Variants in ASCC3 observed in about 807,000 individuals in gnomAD.
The protein encoded by ASCC3 is activating signal cointegrator 1 complex subunit 3.
In ASCC3, 158 loss-of-function variants were observed where a neutral mutation model predicts 256.3. That is an observed-to-expected ratio of 0.62 (90% CI 0.54 to 0.70). The LOEUF (loss-of-function observed/expected upper bound fraction) is 0.70, where lower values mean the gene tolerates loss of function less well. Ranked by LOEUF, ASCC3 falls within the 30% of genes least tolerant of loss-of-function variation. ASCC3 has a pLI of 0.00. For synonymous variants in ASCC3, 948 were observed against 883.4 expected (o/e 1.07, Z -1.30); for missense variants, 2,259 against 2,626.0 (o/e 0.86, Z 3.05).
intron 36 of ASCC3, among the ~76,000 whole-genome samples, chr6:100,576,413 A>G (rs1282777631): frequency 6.6e-6 from 1 of 152,084 alleles, no homozygotes; most frequent in Non-Finnish European, 1.5e-5. Flanking sequence ...ATTTTTTAAA[A>G]GTATATTTCT....
chr6:100,715,803 G>A (rs1030958767), intron 12 of ASCC3, among the ~76,000 whole-genome samples: 4 of 151,574 alleles, frequency 2.6e-5, no homozygotes, highest in Non-Finnish European at 4.4e-5. Flanking sequence ...GTATCTTTAA[G>A]GATATTCTTG....
intron 36 of ASCC3, among the ~76,000 whole-genome samples, chr6:100,557,932 T>C (rs1272407869): frequency 6.6e-6 from 1 of 151,994 alleles, no homozygotes; most frequent in East Asian, 1.9e-4. Flanking sequence ...TGATAGTGTA[T>C]AGTTAGGTCT....
chr6:100,857,736 C>G (rs1334112699), intron 3 of ASCC3: 5 of 152,066 alleles, frequency 3.3e-5, no homozygotes, highest in African/African-American at 1.2e-4. Context: ...ACACTGTATA[C>G]TTATCTTTAT....
At chr6:100,539,094 T>C (rs981870318) in intron 37 of ASCC3, among the ~76,000 whole-genome samples, 3 of 152,118 alleles carry the variant, frequency 2.0e-5, no homozygotes, top group African/African-American at 7.2e-5. Flanking sequence ...GAAGAGTCTG[T>C]TAGTTCTCCT....
At chr6:100,788,774 A>AT (rs1209422182) in intron 8 of ASCC3, among the ~76,000 whole-genome samples, 1 of 152,056 alleles carries the variant, frequency 6.6e-6, no homozygotes, top group Non-Finnish European at 1.5e-5. Context: ...TACACAAGGA[A>AT]TTTTATGATA....
intron 25 of ASCC3, among the ~76,000 whole-genome samples, 176 bp downstream of exon 25, chr6:100,638,425 T>C (rs1562188236): frequency 6.6e-6 from 1 of 152,224 alleles, no homozygotes; most frequent in Non-Finnish European, 1.5e-5. Flanking sequence ...TGTGGTAGTA[T>C]ATAACCAAAC....
At chr6:100,783,111 T>C (rs952284832) in intron 8 of ASCC3, among the ~76,000 whole-genome samples, 4 of 152,148 alleles carry the variant, frequency 2.6e-5, no homozygotes, top group African/African-American at 9.7e-5. Context: ...ATGTATTATA[T>C]AAATATTTCA....
chr6:100,803,000 C>A (rs185352007), intron 5 of ASCC3, among the ~76,000 whole-genome samples: 1 of 151,838 alleles, frequency 6.6e-6, no homozygotes, highest in Non-Finnish European at 1.5e-5. Context: ...AGTGTGAGGG[C>A]GTGTCTTAAA....
At chr6:100,769,030 G>A (rs1328996381) in intron 8 of ASCC3, among the ~76,000 whole-genome samples, 1 of 152,048 alleles carries the variant, frequency 6.6e-6, no homozygotes, top group African/African-American at 2.4e-5. Context: ...ATTCTTAACT[G>A]AAGGGAAATA....
At chr6:100,539,907 T>C (rs188371032) in intron 37 of ASCC3, among the ~76,000 whole-genome samples, 134 of 152,314 alleles carry the variant, frequency 8.8e-4, no homozygotes, top group African/African-American at 3.2e-3. Context: ...AATTATTATA[T>C]GCTCAGTGCC....
At chr6:100,640,335 G>T (rs1178594607) in intron 24 of ASCC3, among the ~76,000 whole-genome samples, 1 of 152,126 alleles carries the variant, frequency 6.6e-6, no homozygotes, top group Non-Finnish European at 1.5e-5. Flanking sequence ...TGGGCTCAAT[G>T]ATAATGACTA....
At chr6:100,847,216 G>A (rs1477778278) in intron 4 of ASCC3, among the ~76,000 whole-genome samples, 3 of 151,858 alleles carry the variant, frequency 2.0e-5, no homozygotes, top group African/African-American at 7.3e-5. Context: ...AATCATAATT[G>A]GATAACTACT....
chr6:100,728,132 T>A (rs574690607), intron 10 of ASCC3, among the ~76,000 whole-genome samples: 1 of 152,172 alleles, frequency 6.6e-6, no homozygotes, highest in Admixed American at 6.5e-5. Flanking sequence ...CTATAGTATA[T>A]AATTATGCTA....
At chr6:100,752,642 T>C (rs144786917) in intron 10 of ASCC3, among the ~76,000 whole-genome samples, 12 of 152,254 alleles carry the variant, frequency 7.9e-5, no homozygotes, top group African/African-American at 2.6e-4. Context: ...TCCAACCTTT[T>C]AGAATGATGT....
intron 2 of ASCC3, among the ~76,000 whole-genome samples, chr6:100,864,527 T>C (rs1384570449): frequency 6.6e-6 from 1 of 152,224 alleles, no homozygotes; most frequent in Non-Finnish European, 1.5e-5. Context: ...ATTATTATTG[T>C]TACTGATAAC....
At chr6:100,803,000 C>T (rs185352007) in intron 5 of ASCC3, among the ~76,000 whole-genome samples, 38 of 151,956 alleles carry the variant, frequency 2.5e-4, no homozygotes, top group African/African-American at 8.0e-4. Flanking sequence ...AGTGTGAGGG[C>T]GTGTCTTAAA....
Position 100,509,019 on chromosome 6 carries a change from T to A in ASCC3, c.*367A>T, listed in dbSNP as rs1773627465. 3.5e-6 allele frequency: 1 copy of A among 288,926 alleles called. No homozygotes were observed. The highest frequency in any genetic ancestry group is 4.9e-5 in the Admixed American group (1 of 20,568). 17.9% of individuals were successfully genotyped at this position (288,926 alleles called of 1,614,324 possible). Reference sequence around the variant, plus strand: ...AGTCCTAACACTTGTCACATCTCAATGTGGTTTTCCTTAAAAAAAGCAGCC... The same window carrying A: ...AGTCCTAACACTTGTCACATCTCAAAGTGGTTTTCCTTAAAAAAAGCAGCC... On this transcript the variant is annotated 3_prime_UTR_variant, in exon 42 of 42. Coordinates refer to ENST00000369162, the MANE Select transcript of ASCC3 (RefSeq NM_006828.4).
At chr6:100,522,868 G>A (rs1762817776) in intron 37 of ASCC3, among the ~76,000 whole-genome samples, 1 of 150,832 alleles carries the variant, frequency 6.6e-6, no homozygotes, top group African/African-American at 2.4e-5. Flanking sequence ...CTCCAGTTCT[G>A]GGGAACCTGA....
intron 10 of ASCC3, among the ~76,000 whole-genome samples, chr6:100,728,585 A>C (rs1373861707): frequency 6.6e-6 from 1 of 152,152 alleles, no homozygotes; most frequent in Non-Finnish European, 1.5e-5. Context: ...CTCCAAAATC[A>C]AAAACAAACC....
Sources: allele counts gnomAD v4.1 joint callset (sites outside exome capture counted in the v4.1 genomes callset), GRCh38; gene constraint gnomAD v4.1.1; transcripts MANE v1.5; gene names NCBI Gene and HGNC (gene_info 2026-07-23, HGNC 2026-07-21).